ADAM28: variants seen among roughly 807,000 people sequenced by gnomAD.
ADAM28 encodes the protein disintegrin and metalloproteinase domain-containing protein 28.
Under a neutral mutation model 101.2 loss-of-function variants are expected in ADAM28, and 105 were observed. The ratio of observed to expected loss-of-function variants is 1.04; its 90% CI spans 0.89 to 1.22. The LOEUF is 1.22. Ranked by LOEUF, ADAM28 falls within the 50% of genes most tolerant of loss-of-function variation. The probability of loss-of-function intolerance (pLI) is 0.00; values close to 1 mark genes in which losing one functional copy is unlikely to be tolerated. For synonymous variants in ADAM28, 322 were observed against 310.6 expected (o/e 1.04, Z -0.39); for missense variants, 1,028 against 945.4 (o/e 1.09, Z -1.15).
chr8:24,331,392 A>G, intron 12 of ADAM28, 65 bp downstream of exon 12: 1 of 1,462,812 alleles, frequency 6.8e-7, no homozygotes. Context: ...ATCAACTACA[A>G]AATAATGTGT....
Position 24,354,678 on chromosome 8 carries a change from T to C in ADAM28, c.*274T>C. 1 of 305,298 alleles carries C rather than the reference T, an allele frequency of 3.3e-6. No homozygotes were observed. Among genetic ancestry groups the C allele is most frequent in the Non-Finnish European group, 6.1e-6 (1 of 164,566 alleles). The allele number at this position is 305,298 out of a possible 1,614,324, so 18.9% of individuals were successfully genotyped here. On this transcript the variant is annotated 3_prime_UTR_variant, in exon 23 of 23. Coordinates refer to ENST00000265769, the MANE Select transcript of ADAM28 (RefSeq NM_014265.6). ...GAAATATCTCCGAAGTTAAAATCTG[T>C]AATAGGAATTGATTCATTCTCTAAT...
chr8:24,327,882 TATC>T (rs1447238755), intron 10 of ADAM28, among the ~76,000 whole-genome samples: 3 of 152,138 alleles, frequency 2.0e-5, no homozygotes, highest in African/African-American at 7.2e-5. Flanking sequence ...GTGCTATTAT[TATC>T]ATATGTTTAA....
intron 1 of ADAM28, among the ~76,000 whole-genome samples, chr8:24,298,192 A>T (rs1296109421): frequency 7.9e-5 from 12 of 152,002 alleles, no homozygotes; most frequent in Non-Finnish European, 5.9e-5. Context: ...CAAACCAAAT[A>T]AAAAAAATAA....
In ADAM28 at chr8:24,349,982, TA is replaced by T; in HGVS notation, c.2099+11del. 6.2e-7 allele frequency: 1 copy of T among 1,611,490 alleles called. No individual in the cohort carries two copies. On this transcript the variant is annotated intron_variant, in intron 19 of 22. Transcript: ENST00000265769. ...AGAAGAAAGATCAGAGGTGATCCTTTATCTTATCTTGCTGTAGGGACTCTTT... is the reference window on the plus strand; with the variant it reads ...AGAAGAAAGATCAGAGGTGATCCTTTTCTTATCTTGCTGTAGGGACTCTTT...
At position 24,321,257 on chromosome 8, in the gene ADAM28, AG is replaced by A; in HGVS notation, c.691del (p.Val231TyrfsTer21). 6.2e-7 allele frequency: 1 copy of A among 1,607,770 alleles called. No homozygotes were observed. The highest frequency in any genetic ancestry group is 8.5e-7 in the Non-Finnish European group (1 of 1,174,876). The stretch of plus-strand genomic sequence containing the variant: ...TGAGAATCAAGATGAGATCAGAAAG[AG>A]GGTATTTGAGATGGCTAATTATGTC... Reference protein sequence around the residue: ...YNENQDEIRKRVFEMANYVNM... With the variant: ...YNENQDEIRKXVFEMANYVNM... On this transcript the variant is annotated frameshift_variant, in exon 8 of 23. Transcript: ENST00000265769. LOFTEE classifies it high-confidence loss of function.
In ADAM28 at chr8:24,343,622, C is replaced by T. The variant is rs367708406; in HGVS notation, c.1990+38C>T. 7 of 1,577,496 alleles carry T rather than the reference C, an allele frequency of 4.4e-6. No individual in the cohort carries two copies. In the African/African-American group the frequency reaches 9.4e-5, roughly 21 times the overall value. ...ACACATCTAACCTGAGAAAATTGCT[C>T]TCCTCTTCCAAGCCTTTATTTTGTA... On this transcript the variant is annotated intron_variant, in intron 18 of 22. Transcript: ENST00000265769.
chr8:24,317,786 G>A (rs1339354574), intron 6 of ADAM28, among the ~76,000 whole-genome samples: 1 of 152,020 alleles, frequency 6.6e-6, no homozygotes, highest in East Asian at 1.9e-4. Context: ...TAGAGGTAGA[G>A]AATAAAACAG....
Position 24,341,769 on chromosome 8 carries a change from T to C in ADAM28, c.1830+12T>C. On this transcript the variant is annotated intron_variant, in intron 16 of 22. Transcript: ENST00000265769. Reference sequence around the variant, plus strand: ...GTGGCGATAACAAGGTAAGTTGAAATTGTGGCTTTCACTCAAAATAGTGTT... The same window carrying C: ...GTGGCGATAACAAGGTAAGTTGAAACTGTGGCTTTCACTCAAAATAGTGTT... 6.2e-7 allele frequency: 1 copy of C among 1,613,282 alleles called. No individual in the cohort carries two copies. The highest frequency in any genetic ancestry group is 1.1e-5 in the South Asian group (1 of 90,926).
In ADAM28 at chr8:24,313,503, A is replaced by G. The variant is rs1227520809; in HGVS notation, c.499A>G (p.Ser167Gly). ...TAACCCTGATGAAAAGAATTATGAC[A>G]GCACCTGTGGGATGGATGGTGTGTT... ...KYNPDEKNYD[S>G]TCGMDGVLWA... Residue 167 changes from serine (S) to glycine (G), a missense_variant, in exon 6 of 23, where the codon AGC becomes GGC. Physicochemically the swap from Ser to Gly is moderately conservative, Grantham distance 56. Transcript: ENST00000265769. 1 of 1,613,812 alleles carries G rather than the reference A, an allele frequency of 6.2e-7. No individual in the cohort carries two copies. The highest frequency in any genetic ancestry group is 1.3e-5 in the African/African-American group (1 of 74,916).
chr8:24,302,924 C>G (rs993940452), intron 2 of ADAM28, among the ~76,000 whole-genome samples: 3 of 118,568 alleles, frequency 2.5e-5, no homozygotes, highest in African/African-American at 9.4e-5. Flanking sequence ...CCCCCCTCCC[C>G]CCTCCCCACA....
At chr8:24,320,906 A>C (rs1367551966) in intron 7 of ADAM28, among the ~76,000 whole-genome samples, 1 of 151,976 alleles carries the variant, frequency 6.6e-6, no homozygotes, top group Non-Finnish European at 1.5e-5. Context: ...TCTTAAATTA[A>C]TAAGATATTC....
Position 24,355,416 on chromosome 8 carries a change from G to A in ADAM28, c.*1012G>A, listed in dbSNP as rs1053570417. On this transcript the variant is annotated 3_prime_UTR_variant, in exon 23 of 23. Coordinates refer to ENST00000265769, the MANE Select transcript of ADAM28 (RefSeq NM_014265.6). ...TCCTATCTAATCTATCTATCTCAGG[G>A]ATAAATCCCTATCCTTTTAAGTAAG... is the stretch of plus-strand genomic sequence containing the variant. 6.6e-6 allele frequency: 1 copy of A among 151,534 alleles called. No homozygotes were observed. Among genetic ancestry groups the A allele is most frequent in the Admixed American group, 6.6e-5 (1 of 15,196 alleles). 9.4% of individuals were successfully genotyped at this position (151,534 alleles called of 1,614,324 possible). A position where few individuals can be genotyped will look rare whatever the true frequency, so the allele number is the denominator to read the frequency against.
intron 2 of ADAM28, among the ~76,000 whole-genome samples, chr8:24,308,317 G>C (rs1203284685): frequency 1.3e-5 from 2 of 152,106 alleles, no homozygotes; most frequent in Non-Finnish European, 2.9e-5. Flanking sequence ...ACATTACCCA[G>C]TGTACTCTCT....
At chr8:24,320,904 T>G (rs946660322) in intron 7 of ADAM28, among the ~76,000 whole-genome samples, 2 of 151,974 alleles carry the variant, frequency 1.3e-5, no homozygotes, top group African/African-American at 4.8e-5. Context: ...TCTCTTAAAT[T>G]AATAAGATAT....
In ADAM28 at chr8:24,349,931, C is replaced by T. The variant is rs751029250; in HGVS notation, c.2058C>T (p.Ile686=). The part of the protein sequence containing the change: ...AVIFVVVAMV[I]RHQSSREKQK... ...TTTTTGTGGTGGTTGCTATGGTAAT[C>T]CGGCACCAGAGCTCCAGAGAAAAGC... The change falls in exon 19 of 23, where the codon ATC becomes ATT. Residue 686 remains isoleucine (I), a synonymous_variant. Transcript: ENST00000265769. 3.7e-6 allele frequency: 6 copies of T among 1,613,472 alleles called. No homozygotes were observed. The highest frequency in any genetic ancestry group is 2.2e-5 in the East Asian group (1 of 44,824).
intron 2 of ADAM28, 142 bp from the exon 3 acceptor site, chr8:24,309,752 T>G: frequency 1.8e-6 from 1 of 550,346 alleles, no homozygotes; most frequent in Non-Finnish European, 3.2e-6. Flanking sequence ...AGTTGTTTGA[T>G]CTGTCAAGAG....
chr8:24,310,373 C>A, intron 4 of ADAM28, 132 bp downstream of exon 4: 2 of 698,424 alleles, frequency 2.9e-6, no homozygotes, highest in South Asian at 2.4e-5. Context: ...GTAGCCATTA[C>A]TTAAAATATA....
At chr8:24,325,871 CAAAAAAAAAAAA>C (rs5890146) in intron 9 of ADAM28, among the ~76,000 whole-genome samples, 58 of 20,428 alleles carry the variant, frequency 2.8e-3, no homozygotes, top group Non-Finnish European at 4.4e-3. Flanking sequence ...GTACAGATAG[CAAAAAAAAAAAA>C]AAAAAAAAAA....
chr8:24,308,332 T>C (rs772944277), intron 2 of ADAM28, among the ~76,000 whole-genome samples: 4 of 152,218 alleles, frequency 2.6e-5, no homozygotes, highest in Non-Finnish European at 4.4e-5. Flanking sequence ...CTCTCTTTCA[T>C]AGAGGCCCTG....
Sources: gnomAD v4.1 joint callset for allele counts (sites outside exome capture counted in the v4.1 genomes callset) on GRCh38, gnomAD v4.1.1 for gene constraint, MANE v1.5 for transcripts, NCBI Gene and HGNC (gene_info 2026-07-23, HGNC 2026-07-21) for gene names.